Variants in KCNIP1 observed in about 807,000 individuals in gnomAD.
The protein encoded by KCNIP1 is potassium voltage-gated channel interacting protein 1.
KCNIP1 carries 18 observed loss-of-function variants against 33.0 expected under a neutral mutation model. The ratio of observed to expected loss-of-function variants is 0.55; its 90% confidence interval spans 0.38 to 0.81. KCNIP1 has a LOEUF of 0.81. Among genes scored for constraint, KCNIP1 ranks in the 30% least tolerant of loss-of-function variants. KCNIP1 has a pLI of 0.00. For synonymous variants in KCNIP1, 93 were observed against 98.3 expected, an observed-to-expected ratio of 0.95 and a Z score of 0.32; for missense variants, 238 against 271.6, an observed-to-expected ratio of 0.88 and a Z score of 0.87.
chr5:170,510,787 A>T (rs1754905103), intron 1 of KCNIP1, among the ~76,000 whole-genome samples: 1 of 152,174 alleles, frequency 6.6e-6, no homozygotes. Flanking sequence ...ATTCCACTCA[A>T]ATCAGGAAGC....
chr5:170,573,638 T>A (rs867689988), intron 1 of KCNIP1, among the ~76,000 whole-genome samples: 3 of 151,716 alleles, frequency 2.0e-5, no homozygotes, highest in African/African-American at 7.3e-5. Flanking sequence ...TCTTAACCCA[T>A]TGAGAAAAAA....
chr5:170,638,848 C>T (rs1200622475), intron 1 of KCNIP1, among the ~76,000 whole-genome samples: 1 of 152,212 alleles, frequency 6.6e-6, no homozygotes, highest in East Asian at 1.9e-4. Flanking sequence ...TTCCTGCATC[C>T]CTGGGAGGCA....
At chr5:170,455,799 T>C (rs921099577) in intron 1 of KCNIP1, among the ~76,000 whole-genome samples, 3 of 152,196 alleles carry the variant, frequency 2.0e-5, no homozygotes, top group South Asian at 2.1e-4. Context: ...AAGCAATGCT[T>C]AGAGGGAAAT....
At chr5:170,572,879 C>G (rs1414591787) in intron 1 of KCNIP1, among the ~76,000 whole-genome samples, 1 of 152,236 alleles carries the variant, frequency 6.6e-6, no homozygotes, top group African/African-American at 2.4e-5. Flanking sequence ...TGGCCACTAT[C>G]CATGGAATGT....
chr5:170,447,434 T>A (rs1297929579), intron 1 of KCNIP1, among the ~76,000 whole-genome samples: 1 of 152,206 alleles, frequency 6.6e-6, no homozygotes, highest in Non-Finnish European at 1.5e-5. Context: ...TGAGCCTAAA[T>A]GAGCTAGACT....
chr5:170,603,471 G>A (rs949952937), intron 1 of KCNIP1, among the ~76,000 whole-genome samples: 7 of 152,140 alleles, frequency 4.6e-5, no homozygotes, highest in African/African-American at 1.7e-4. Context: ...TGGGAGCCAG[G>A]GACACAGTGA....
intron 1 of KCNIP1, among the ~76,000 whole-genome samples, chr5:170,652,497 A>AGGG (rs1581449534): frequency 1.2e-5 from 1 of 80,922 alleles, no homozygotes; most frequent in Admixed American, 1.2e-4. Flanking sequence ...AAAAAAAAAA[A>AGGG]AAAGGAAGGA....
chr5:170,566,025 A>G (rs1757192568), intron 1 of KCNIP1, among the ~76,000 whole-genome samples: 1 of 152,132 alleles, frequency 6.6e-6, no homozygotes, highest in African/African-American at 2.4e-5. Context: ...TTTCTGAACT[A>G]TCTGTATTAT....
chr5:170,389,306 T>G (rs1663532953), intron 1 of KCNIP1: 2 of 152,200 alleles, frequency 1.3e-5, no homozygotes, highest in Non-Finnish European at 2.9e-5. Context: ...AGTTTCTTTC[T>G]GCCTGGACCC....
At chr5:170,525,109 C>T (rs142363407) in intron 1 of KCNIP1, among the ~76,000 whole-genome samples, 216 of 152,328 alleles carry the variant, frequency 1.4e-3, no homozygotes, top group African/African-American at 4.9e-3. Context: ...TTACTGGGTG[C>T]CTGCTCTGAG....
chr5:170,579,239 T>C (rs1482623501), intron 1 of KCNIP1, among the ~76,000 whole-genome samples: 1 of 152,250 alleles, frequency 6.6e-6, no homozygotes, highest in East Asian at 1.9e-4. Context: ...CATCTAGATG[T>C]AATGGCTTTC....
intron 1 of KCNIP1, among the ~76,000 whole-genome samples, chr5:170,420,783 C>T (rs1262528013): frequency 6.6e-6 from 1 of 151,932 alleles, no homozygotes; most frequent in East Asian, 1.9e-4. Flanking sequence ...AGGAAATAGT[C>T]ATTCATGAAA....
rs569049163 is a variant in KCNIP1 at position 170,617,221 on chromosome 5, G to A, written c.62-101537G>A. 5.9e-5 allele frequency among the ~76,000 whole-genome samples: 9 copies of A among 152,212 alleles called. No homozygotes were observed. The South Asian group carries it at 8.3e-4, about 14-fold the overall frequency. On this transcript the variant is annotated intron_variant, in intron 1 of 7. Coordinates refer to ENST00000328939, the MANE Select transcript of KCNIP1 (RefSeq NM_014592.4). ...AGATAACAGGCCTTCCCTGCAAAGCGTCAGCACTCAGACTGGGGCATTGTG... is the reference window on the plus strand; with the variant it reads ...AGATAACAGGCCTTCCCTGCAAAGCATCAGCACTCAGACTGGGGCATTGTG...
chr5:170,628,172 A>G (rs940380178), intron 1 of KCNIP1, among the ~76,000 whole-genome samples: 2 of 152,118 alleles, frequency 1.3e-5, no homozygotes, highest in Non-Finnish European at 2.9e-5. Flanking sequence ...CGCTGAGACT[A>G]TTGGGCCTAG....
chr5:170,577,209 A>AT (rs1757631852), intron 1 of KCNIP1, among the ~76,000 whole-genome samples: 2 of 152,354 alleles, frequency 1.3e-5, no homozygotes, highest in East Asian at 3.9e-4. Flanking sequence ...CTGATTTTTC[A>AT]TTTTAAATGA....
chr5:170,437,146 C>G (rs6897343), intron 1 of KCNIP1, among the ~76,000 whole-genome samples: 105,511 of 152,090 alleles, frequency 0.69, 36,718 homozygotes, highest in Non-Finnish European at 0.7. Context: ...AGGCCTGTTT[C>G]TTCAGATTCT....
Position 170,530,254 on chromosome 5 carries a change from GGATT to G in KCNIP1, c.61+25622_61+25625del, listed in dbSNP as rs572903222. Among the ~76,000 whole-genome samples the G allele has an allele frequency of 2.9e-3, 446 of 152,282 alleles. 1 individual carries two copies. Among genetic ancestry groups the G allele is most frequent in the African/African-American group, 0.01 (428 of 41,558 alleles). Reference sequence around the variant, plus strand: ...GGAAGGTTGCTGAGACTCAAAGACAGGATTATTATTGTTGGTAATGATCTGATAG... The same window carrying G: ...GGAAGGTTGCTGAGACTCAAAGACAGATTATTGTTGGTAATGATCTGATAG... On this transcript the variant is annotated intron_variant, in intron 1 of 7. Transcript: ENST00000328939.
intron 1 of KCNIP1, among the ~76,000 whole-genome samples, chr5:170,382,226 A>G (rs952082607): frequency 1.3e-5 from 2 of 152,154 alleles, no homozygotes; most frequent in African/African-American, 4.8e-5. Flanking sequence ...AAAGATTCCC[A>G]TTGCCAACAG....
In KCNIP1 at chr5:170,669,640, C is replaced by T. The variant is rs371328931; in HGVS notation, c.62-49118C>T. On this transcript the variant is annotated intron_variant, in intron 1 of 7. Coordinates refer to ENST00000328939, the MANE Select transcript of KCNIP1 (RefSeq NM_014592.4). ...TTATACCATTTTAGAGTAACTATCTCGGACTTCGGAGAGTTCCTGGGTATG... is the reference window on the plus strand; with the variant it reads ...TTATACCATTTTAGAGTAACTATCTTGGACTTCGGAGAGTTCCTGGGTATG... The T allele has an allele frequency of 3.0e-5, 30 of 985,384 alleles. No individual in the cohort carries two copies. The South Asian group carries it at 1.1e-3, about 35-fold the overall frequency. 61.0% of individuals were successfully genotyped at this position (985,384 alleles called of 1,614,324 possible).
Sources: gnomAD v4.1 joint callset for allele counts (sites outside exome capture counted in the v4.1 genomes callset) on GRCh38, gnomAD v4.1.1 for gene constraint, MANE v1.5 for transcripts, NCBI Gene and HGNC (gene_info 2026-07-23, HGNC 2026-07-21) for gene names.